SV2B: variants seen among roughly 807,000 people sequenced by gnomAD.
The protein encoded by SV2B is synaptic vesicle glycoprotein 2B, also known as solute carrier family 22 member B2.
SV2B carries 41 observed loss-of-function variants against 73.9 expected under a neutral mutation model. That is an observed-to-expected ratio of 0.56 (90% CI 0.43 to 0.72). The LOEUF is 0.72. Ranked by LOEUF, SV2B falls within the 30% of genes least tolerant of loss-of-function variation. SV2B has a pLI of 0.00. For missense variants in SV2B, 764 were observed against 857.8 expected, an observed-to-expected ratio of 0.89 and a Z score of 1.37; for synonymous variants, 314 against 314.2, an observed-to-expected ratio of 1.00 and a Z score of 0.01.
chr15:91,187,333 A>T (rs188707892), intron 1 of SV2B, among the ~76,000 whole-genome samples: 1 of 152,354 alleles, frequency 6.6e-6, no homozygotes, highest in East Asian at 1.9e-4. Context: ...GTTTCTCAGT[A>T]AGAGATGAAT....
At chr15:91,181,728 G>A (rs1041675451) in intron 1 of SV2B, among the ~76,000 whole-genome samples, 7 of 151,466 alleles carry the variant, frequency 4.6e-5, no homozygotes, top group African/African-American at 1.7e-4. Flanking sequence ...ACCATCATGA[G>A]GCTGTCAATT....
intron 1 of SV2B, among the ~76,000 whole-genome samples, chr15:91,204,353 C>T (rs1056147124): frequency 4.6e-5 from 7 of 152,054 alleles, no homozygotes; most frequent in Admixed American, 2.0e-4. Flanking sequence ...TAGCCAACTG[C>T]GGCTAGTGCT....
rs998373466 is a variant in SV2B, at chr15:91,241,149, G to A, written c.452-10670G>A. On this transcript the variant is annotated intron_variant, in intron 2 of 12. Coordinates refer to ENST00000394232, the MANE Select transcript of SV2B (RefSeq NM_001323032.3). This position sits in a 1 kb window ranked among gnomAD's most constrained non-coding sequence, Gnocchi z 4.8. Reference sequence around the variant, plus strand: ...GTGATTTCCATTATCCTGGTCTGTCGTTTCCTTAAAGTCCTCTCCAATCTT... The same window carrying A: ...GTGATTTCCATTATCCTGGTCTGTCATTTCCTTAAAGTCCTCTCCAATCTT... 5.3e-5 allele frequency among the ~76,000 whole-genome samples: 8 copies of A among 152,052 alleles called. No individual in the cohort carries two copies. The highest frequency in any genetic ancestry group is 1.9e-4 in the East Asian group (1 of 5,196).
chr15:91,296,608 C>A lies in SV2B; in HGVS notation c.*4056C>A, dbSNP rs953826330. 6.7e-6 allele frequency: 1 copy of A among 149,176 alleles called. No homozygotes were observed. The allele number at this position is 149,176 out of a possible 1,614,324, so 9.2% of individuals were successfully genotyped here. On this transcript the variant is annotated 3_prime_UTR_variant, in exon 13 of 13. Coordinates refer to ENST00000394232, the MANE Select transcript of SV2B (RefSeq NM_001323032.3). Reference sequence around the variant, plus strand: ...TCCTTCTGCCTGATCATTGGGAGCACGCTCCTTCTGCCTGATCGTTGGGAG... The same window carrying A: ...TCCTTCTGCCTGATCATTGGGAGCAAGCTCCTTCTGCCTGATCGTTGGGAG...
At chr15:91,156,951 C>G (rs1016577223) in intron 1 of SV2B, among the ~76,000 whole-genome samples, 6 of 152,174 alleles carry the variant, frequency 3.9e-5, no homozygotes, top group South Asian at 2.1e-4. Flanking sequence ...GAAAGTAAAG[C>G]CTCAGATAAA....
intron 7 of SV2B, 59 bp downstream of exon 7, chr15:91,266,751 G>C: frequency 7.2e-7 from 1 of 1,387,818 alleles, no homozygotes; most frequent in South Asian, 1.3e-5. Context: ...TCTTACCTTA[G>C]TGGATGAAAA....
intron 1 of SV2B, among the ~76,000 whole-genome samples, chr15:91,162,920 A>C (rs12591161): frequency 0.46 from 67,112 of 145,914 alleles, 15,871 homozygotes; most frequent in East Asian, 0.69. Context: ...TCCCTCCCCC[A>C]ACCCCACGAC....
At chr15:91,259,715 C>T (rs1285038792) in intron 5 of SV2B, among the ~76,000 whole-genome samples, 4 of 152,166 alleles carry the variant, frequency 2.6e-5, no homozygotes, top group Admixed American at 2.6e-4. Flanking sequence ...CCTTGGCTTG[C>T]AGCTGCAACA....
At chr15:91,170,985 C>T (rs932829919) in intron 1 of SV2B, among the ~76,000 whole-genome samples, 1 of 152,126 alleles carries the variant, frequency 6.6e-6, no homozygotes, top group African/African-American at 2.4e-5. Flanking sequence ...GGTGCCATTG[C>T]ACATTTAAGT....
chr15:91,201,519 C>T (rs1053675937), intron 1 of SV2B, among the ~76,000 whole-genome samples: 1 of 152,156 alleles, frequency 6.6e-6, no homozygotes, highest in Non-Finnish European at 1.5e-5. Context: ...TTTTCATAAG[C>T]CGTGTGCAGT....
intron 6 of SV2B, among the ~76,000 whole-genome samples, chr15:91,262,154 C>T (rs957444336): frequency 1.3e-5 from 2 of 152,096 alleles, no homozygotes; most frequent in Non-Finnish European, 2.9e-5. Context: ...GCTGTGTGGC[C>T]TTGGGCAAGG....
intron 1 of SV2B, among the ~76,000 whole-genome samples, chr15:91,217,886 G>A (rs550036957): frequency 1.3e-5 from 2 of 152,208 alleles, no homozygotes; most frequent in Non-Finnish European, 2.9e-5. Context: ...CTATGATTCA[G>A]GTCCTGTCTC....
At position 91,187,906 on chromosome 15, in the gene SV2B, C is replaced by T. The variant is rs778991804; in HGVS notation, c.-391-37967C>T. 9.2e-5 allele frequency among the ~76,000 whole-genome samples: 14 copies of T among 151,972 alleles called. 1 individual carries two copies. In the South Asian group the frequency reaches 1.0e-3, roughly 11 times the overall value. On this transcript the variant is annotated intron_variant, in intron 1 of 12. Coordinates refer to ENST00000394232, the MANE Select transcript of SV2B (RefSeq NM_001323032.3). ...TAATTGAAATAGGCTAGCTTTGATT[C>T]GTTTTATTTGGGTTTAATTTCAAGT...
At chr15:91,164,703 A>T (rs2043847641) in intron 1 of SV2B, among the ~76,000 whole-genome samples, 1 of 152,210 alleles carries the variant, frequency 6.6e-6, no homozygotes, top group South Asian at 2.1e-4. Context: ...CACAAATGAA[A>T]AAGCTATTCA....
At chr15:91,254,234 CTTTTTTT>C (rs201841298) in intron 4 of SV2B, among the ~76,000 whole-genome samples, 1 of 127,294 alleles carries the variant, frequency 7.9e-6, no homozygotes, top group Non-Finnish European at 1.7e-5. Context: ...ATTTTCACTT[CTTTTTTT>C]TTTTTTTTTT....
rs1446315930 is a variant in SV2B at position 91,252,386 on chromosome 15, C to T, written c.650C>T (p.Pro217Leu). ...ISGIGIGGAL[P>L]IVFAYFSEFL... is the part of the protein sequence containing the mutation. ...CTTTGCAGTATTGGGGGTGCTCTAC[C>T]GATTGTTTTTGCCTATTTTTCTGAA... The change falls in exon 4 of 13, where the codon CCG becomes CTG. Residue 217 changes from proline to leucine, a missense_variant. Physicochemically the swap from Pro to Leu is moderately conservative, Grantham distance 98. Coordinates refer to ENST00000394232, the MANE Select transcript of SV2B (RefSeq NM_001323032.3). The surrounding 1 kb of genome is among the most constrained non-coding windows in gnomAD (Gnocchi z 4.6). The T allele has an allele frequency of 3.1e-6, 5 of 1,611,746 alleles. No homozygotes were observed. The highest frequency in any genetic ancestry group is 4.2e-6 in the Non-Finnish European group (5 of 1,179,124).
At chr15:91,255,161 C>G (rs1462724172) in intron 4 of SV2B, among the ~76,000 whole-genome samples, 6 of 152,128 alleles carry the variant, frequency 3.9e-5, no homozygotes. Context: ...CACACACTTA[C>G]ACAGACACAC....
intron 1 of SV2B, among the ~76,000 whole-genome samples, chr15:91,208,808 T>C (rs1567346095): frequency 2.0e-5 from 3 of 152,128 alleles, no homozygotes; most frequent in Non-Finnish European, 4.4e-5. Context: ...CTCACACTCA[T>C]CTCCTTCTTC....
At chr15:91,169,893 T>A (rs1195015946) in intron 1 of SV2B, among the ~76,000 whole-genome samples, 2 of 152,148 alleles carry the variant, frequency 1.3e-5, no homozygotes, top group Non-Finnish European at 2.9e-5. Context: ...TTGTTTAACA[T>A]CCCTGTTGTT....
Sources: gnomAD v4.1 joint callset for allele counts (sites outside exome capture counted in the v4.1 genomes callset) on GRCh38, gnomAD v4.1.1 for gene constraint, Gnocchi (gnomAD v3.1) non-coding constraint, MANE v1.5 for transcripts, NCBI Gene and HGNC (gene_info 2026-07-23, HGNC 2026-07-21) for gene names.